Variants in TRAPPC9 observed in about 807,000 individuals in gnomAD.
The protein encoded by TRAPPC9 is IKK2 binding protein.
TRAPPC9 carries 83 observed loss-of-function variants against 124.0 expected under a neutral mutation model. The observed-to-expected ratio is 0.67, with a 90% confidence interval of 0.56 to 0.80. The LOEUF (loss-of-function observed/expected upper bound fraction) is 0.80. Among genes scored for constraint, TRAPPC9 ranks in the 30% least tolerant of loss-of-function variants. TRAPPC9 has a pLI of 0.00. For synonymous variants in TRAPPC9, 638 were observed against 617.5 expected, an observed-to-expected ratio of 1.03 and a Z score of -0.49; for missense variants, 1,302 against 1,508.3, an observed-to-expected ratio of 0.86 and a Z score of 2.27.
chr8:139,975,866 T>G (rs1252081363), intron 19 of TRAPPC9, among the ~76,000 whole-genome samples: 1 of 151,870 alleles, frequency 6.6e-6, no homozygotes, highest in Non-Finnish European at 1.5e-5. Context: ...ATAACCCTCA[T>G]GTTTATGGTC....
At chr8:139,814,736 A>C (rs1230223589) in intron 21 of TRAPPC9, among the ~76,000 whole-genome samples, 2 of 152,206 alleles carry the variant, frequency 1.3e-5, no homozygotes, top group Non-Finnish European at 2.9e-5. Flanking sequence ...AGGAAAAAGG[A>C]AAGGAAAGGA....
intron 22 of TRAPPC9, 102 bp from the exon 23 acceptor site, chr8:139,731,330 G>A (rs1431866100): frequency 7.0e-6 from 10 of 1,429,818 alleles, no homozygotes; most frequent in Non-Finnish European, 9.6e-6. Context: ...TGTTATGGGG[G>A]AAGCGAGGGC....
chr8:140,038,940 C>T (rs1043638704), intron 17 of TRAPPC9, among the ~76,000 whole-genome samples: 4 of 152,186 alleles, frequency 2.6e-5, no homozygotes, highest in African/African-American at 7.2e-5. Flanking sequence ...CTCACACCCT[C>T]GTACCTGGAA....
intron 18 of TRAPPC9, among the ~76,000 whole-genome samples, chr8:140,012,052 T>C (rs1839172690): frequency 6.6e-6 from 1 of 152,272 alleles, no homozygotes; most frequent in East Asian, 1.9e-4. Context: ...CCTCATGATC[T>C]GCCCGCCTTG....
chr8:140,347,099 C>G (rs1563962698), intron 9 of TRAPPC9, among the ~76,000 whole-genome samples: 1 of 152,240 alleles, frequency 6.6e-6, no homozygotes, highest in Admixed American at 6.5e-5. Context: ...GCATGTTTAG[C>G]ACGGCCGCAA....
At chr8:140,129,703 G>C (rs755785242) in intron 17 of TRAPPC9, among the ~76,000 whole-genome samples, 1 of 152,150 alleles carries the variant, frequency 6.6e-6, no homozygotes, top group Non-Finnish European at 1.5e-5. Flanking sequence ...GTGAGAGCCA[G>C]CTTTCTCCCC....
chr8:140,010,343 G>A (rs535572633), intron 18 of TRAPPC9, among the ~76,000 whole-genome samples: 1 of 152,044 alleles, frequency 6.6e-6, no homozygotes, highest in East Asian at 1.9e-4. Context: ...AGTAGGGTAA[G>A]TTTTTTTTAC....
intron 19 of TRAPPC9, among the ~76,000 whole-genome samples, chr8:139,947,719 T>A (rs185019695): frequency 6.7e-6 from 1 of 150,254 alleles, no homozygotes; most frequent in Non-Finnish European, 1.5e-5. Context: ...TAAAAAAAAA[T>A]TAGCCGGTCA....
intron 21 of TRAPPC9, among the ~76,000 whole-genome samples, chr8:139,879,622 TCCGGCCC>T (rs1394785722): frequency 1.3e-5 from 2 of 152,160 alleles, no homozygotes; most frequent in Non-Finnish European, 2.9e-5. Flanking sequence ...ATCAGGCTGC[TCCGGCCC>T]CCGCAGGCTC....
chr8:140,172,111 C>G (rs2061978442), intron 17 of TRAPPC9, among the ~76,000 whole-genome samples: 1 of 152,110 alleles, frequency 6.6e-6, no homozygotes, highest in Non-Finnish European at 1.5e-5. Flanking sequence ...TGTGGCCACA[C>G]AAAGGAAGAA....
At chr8:139,738,730 G>A (rs939814778) in intron 21 of TRAPPC9, among the ~76,000 whole-genome samples, 2 of 152,154 alleles carry the variant, frequency 1.3e-5, no homozygotes, top group African/African-American at 2.4e-5. Flanking sequence ...CACAGGTAGG[G>A]GTCTGAGGAC....
chr8:140,309,424 T>A (rs186338221), intron 10 of TRAPPC9, among the ~76,000 whole-genome samples: 66 of 152,346 alleles, frequency 4.3e-4, no homozygotes, highest in Non-Finnish European at 7.9e-4. Flanking sequence ...ACTCCAGGGC[T>A]GCCTGGCAGG....
At chr8:140,239,215 C>A (rs1011174529) in intron 16 of TRAPPC9, among the ~76,000 whole-genome samples, 3 of 152,106 alleles carry the variant, frequency 2.0e-5, no homozygotes, top group Non-Finnish European at 4.4e-5. Context: ...CACCCTCAGC[C>A]CCCTCAAATC....
intron 7 of TRAPPC9, among the ~76,000 whole-genome samples, chr8:140,375,781 T>C (rs1373599718): frequency 1.3e-5 from 2 of 152,174 alleles, no homozygotes; most frequent in Admixed American, 6.5e-5. Context: ...TTAACCCTCA[T>C]CAGCCTTCTC....
chr8:139,910,975 GTTGGGAAGGCATGA>G (rs1172098380), intron 19 of TRAPPC9, among the ~76,000 whole-genome samples: 5 of 152,222 alleles, frequency 3.3e-5, no homozygotes, highest in Admixed American at 6.5e-5. Context: ...TTGGGAGACC[GTTGGGAAGGCATGA>G]TTGGTTTTGA....
chr8:139,971,804 C>T (rs1297992318), intron 19 of TRAPPC9, among the ~76,000 whole-genome samples: 185 of 2,174 alleles, frequency 0.085, 1 homozygote, highest in Middle Eastern at 0.38. Flanking sequence ...TATATATATA[C>T]ATATATATAT....
At chr8:140,323,623 A>G (rs1363263845) in intron 9 of TRAPPC9, among the ~76,000 whole-genome samples, 1 of 152,200 alleles carries the variant, frequency 6.6e-6, no homozygotes, top group African/African-American at 2.4e-5. Flanking sequence ...CATTTTGGCA[A>G]CCAGAGGTCA....
chr8:140,278,519 C>A (rs552552415), intron 14 of TRAPPC9, among the ~76,000 whole-genome samples: 1 of 152,194 alleles, frequency 6.6e-6, no homozygotes, highest in African/African-American at 2.4e-5. Context: ...AAACTTGAAC[C>A]ACTGTGCGAC....
intron 19 of TRAPPC9, among the ~76,000 whole-genome samples, chr8:139,946,882 G>C (rs1834261664): frequency 6.6e-6 from 1 of 152,064 alleles, no homozygotes; most frequent in Non-Finnish European, 1.5e-5. Flanking sequence ...AGCTACTCGG[G>C]AGGCTGAGGC....
Sources: gnomAD v4.1 joint callset for allele counts (sites outside exome capture counted in the v4.1 genomes callset) on GRCh38, gnomAD v4.1.1 for gene constraint, MANE v1.5 for transcripts, NCBI Gene and HGNC (gene_info 2026-07-23, HGNC 2026-07-21) for gene names.